Variants in CORO1C observed in about 807,000 individuals in gnomAD.
The protein encoded by CORO1C is coronin-1C.
A neutral mutation model predicts 51.2 loss-of-function variants in CORO1C; 14 were observed. The observed-to-expected ratio is 0.27, with a 90% CI of 0.18 to 0.43. The LOEUF (loss-of-function observed/expected upper bound fraction) is 0.43. Among genes scored for constraint, CORO1C ranks in the 20% least tolerant of loss-of-function variants. CORO1C has a pLI of 1.00. For synonymous variants in CORO1C, 181 were observed against 210.5 expected, an observed-to-expected ratio of 0.86 and a Z score of 1.21; for missense variants, 417 against 607.8, an observed-to-expected ratio of 0.69 and a Z score of 3.30.
At chr12:108,695,866 A>C (rs2034659853) in intron 2 of CORO1C, among the ~76,000 whole-genome samples, 1 of 151,740 alleles carries the variant, frequency 6.6e-6, no homozygotes, top group Non-Finnish European at 1.5e-5. Context: ...AAAAAAAAAA[A>C]AAAAAAAAAC....
intron 1 of CORO1C, among the ~76,000 whole-genome samples, chr12:108,722,713 C>A (rs114076659): frequency 1.1e-3 from 166 of 152,282 alleles, no homozygotes; most frequent in African/African-American, 3.8e-3. Context: ...GAGTTGGGGA[C>A]CAAATGTACA....
At chr12:108,656,048 T>TTG (rs2032964194) in intron 6 of CORO1C, among the ~76,000 whole-genome samples, 1 of 123,382 alleles carries the variant, frequency 8.1e-6, no homozygotes, top group African/African-American at 3.2e-5. Flanking sequence ...TCTGGGAGGT[T>TTG]AGGAGCGTCT....
chr12:108,657,451 C>G, intron 5 of CORO1C, 28 bp from the exon 6 acceptor site: 1 of 1,606,446 alleles, frequency 6.2e-7, no homozygotes, highest in Non-Finnish European at 8.5e-7. Flanking sequence ...ACATGCCACA[C>G]ATTAAACTGC....
At chr12:108,690,284 T>TAA (rs2034451211) in intron 2 of CORO1C, among the ~76,000 whole-genome samples, 1 of 150,360 alleles carries the variant, frequency 6.7e-6, no homozygotes, top group African/African-American at 2.4e-5. Context: ...ATCCTTGAGG[T>TAA]AAAAGGAGGT....
intron 1 of CORO1C, among the ~76,000 whole-genome samples, chr12:108,715,931 G>A (rs562699693): frequency 2.6e-5 from 4 of 151,632 alleles, no homozygotes; most frequent in Non-Finnish European, 4.4e-5. Flanking sequence ...CAGGAAATGA[G>A]ACCATCCTGG....
chr12:108,691,478 T>C (rs1429240229), intron 2 of CORO1C, among the ~76,000 whole-genome samples: 2 of 152,338 alleles, frequency 1.3e-5, no homozygotes, highest in South Asian at 2.1e-4. Context: ...GGGGTTACCA[T>C]GTTTACACAC....
At chr12:108,676,303 ATCACTTAACTCCCTGAGTCTGCTTTT>A (rs1272935249) in intron 3 of CORO1C, among the ~76,000 whole-genome samples, 12 of 152,218 alleles carry the variant, frequency 7.9e-5, no homozygotes, top group Admixed American at 5.2e-4. Context: ...TATGTCATAA[ATCACTTAACTCCCTGAGTCTGCTTTT>A]TCACTTAACT....
intron 3 of CORO1C, 87 bp downstream of exon 3, chr12:108,678,185 T>C (rs896567108): frequency 3.2e-6 from 4 of 1,255,756 alleles, no homozygotes; most frequent in African/African-American, 3.0e-5. Flanking sequence ...CAAGCCTCTA[T>C]ACATACACAC....
At chr12:108,702,775 A>C in intron 1 of CORO1C, 1 of 1,491,560 alleles carries the variant, frequency 6.7e-7, no homozygotes, top group South Asian at 1.3e-5. Flanking sequence ...AGACGAATTT[A>C]TTTTTGCCAG....
At chr12:108,699,901 C>CTACT (rs1329366173) in intron 2 of CORO1C, among the ~76,000 whole-genome samples, 1 of 152,138 alleles carries the variant, frequency 6.6e-6, no homozygotes, top group Non-Finnish European at 1.5e-5. Context: ...GGAGATGGTT[C>CTACT]TACTGTGTTA....
At chr12:108,713,642 G>A (rs962590372) in intron 1 of CORO1C, among the ~76,000 whole-genome samples, 8 of 152,190 alleles carry the variant, frequency 5.3e-5, no homozygotes, top group Non-Finnish European at 7.3e-5. Context: ...TTCCAGGCCC[G>A]TCACGTTTCA....
At position 108,658,634 on chromosome 12, in the gene CORO1C, C is replaced by G; in HGVS notation, c.630+104G>C. On this transcript the variant is annotated intron_variant, in intron 5 of 10. Transcript: ENST00000261401. The surrounding 1 kb of genome is among the most constrained non-coding windows in gnomAD (Gnocchi z 4.9). Reference sequence around the variant, plus strand: ...CTTATTCACAGTTGGTGTCTACACACAACAGGGTCCCACTGACCAGTACCG... The same window carrying G: ...CTTATTCACAGTTGGTGTCTACACAGAACAGGGTCCCACTGACCAGTACCG... The G allele has an allele frequency of 8.9e-7, 1 of 1,124,112 alleles. No homozygotes were observed. Among genetic ancestry groups the G allele is most frequent in the Non-Finnish European group, 1.3e-6 (1 of 778,812 alleles). 69.6% of individuals were successfully genotyped at this position (1,124,112 alleles called of 1,614,324 possible).
intron 1 of CORO1C, among the ~76,000 whole-genome samples, chr12:108,713,692 T>C (rs2035248387): frequency 6.6e-6 from 1 of 152,218 alleles, no homozygotes. Flanking sequence ...AAAGAACTTC[T>C]GAGAAAGATG....
intron 2 of CORO1C, among the ~76,000 whole-genome samples, chr12:108,691,649 T>C (rs1350053790): frequency 6.6e-6 from 1 of 152,124 alleles, no homozygotes; most frequent in Non-Finnish European, 1.5e-5. Context: ...GTGCAGCCAA[T>C]CAAAGCAAAG....
rs2032371451 is a variant in CORO1C, at chr12:108,646,640, C to T, written c.*763G>A. ...AAAATTCCATTCTGGTACAAACACCCAATTTCTAGAAAAGAGAAAGGAAAA... is the reference window on the plus strand; with the variant it reads ...AAAATTCCATTCTGGTACAAACACCTAATTTCTAGAAAAGAGAAAGGAAAA... On this transcript the variant is annotated 3_prime_UTR_variant, in exon 11 of 11. Coordinates refer to ENST00000261401, the MANE Select transcript of CORO1C (RefSeq NM_014325.4). The T allele has an allele frequency of 6.6e-6, 1 of 152,078 alleles. No individual in the cohort carries two copies. Among genetic ancestry groups the T allele is most frequent in the Non-Finnish European group, 1.5e-5 (1 of 68,004 alleles). The allele number at this position is 152,078 out of a possible 1,614,324, so 9.4% of individuals were successfully genotyped here.
intron 1 of CORO1C, among the ~76,000 whole-genome samples, chr12:108,705,481 A>C (rs1233782165): frequency 6.6e-6 from 1 of 151,084 alleles, no homozygotes; most frequent in Non-Finnish European, 1.5e-5. Context: ...AAAAAAAAAA[A>C]AGAATGTAAA....
At chr12:108,722,812 GTATGA>G (rs1000111901) in intron 1 of CORO1C, among the ~76,000 whole-genome samples, 25 of 152,292 alleles carry the variant, frequency 1.6e-4, no homozygotes, top group African/African-American at 6.0e-4. Flanking sequence ...TCCTTTGAAG[GTATGA>G]TATGTTATTT....
chr12:108,730,477 G>A (rs1045456852), intron 1 of CORO1C: 1 of 152,346 alleles, frequency 6.6e-6, no homozygotes. Context: ...GCGCCGGTGG[G>A]GACAGGCGGG....
chr12:108,731,011 C>T lies in CORO1C; in HGVS notation c.-6+418G>A, dbSNP rs1365927380. On this transcript the variant is annotated intron_variant, in intron 1 of 10. Transcript: ENST00000261401. The surrounding 1 kb of genome is among the most constrained non-coding windows in gnomAD (Gnocchi z 5.2). The stretch of plus-strand genomic sequence containing the variant: ...AGGCCTGGAGCCCCCGGGCTCTACG[C>T]CTCGCCCGAAGCAGCCCTTCCCTCC... 1 of 153,024 alleles carries T rather than the reference C, an allele frequency of 6.5e-6. No homozygotes were observed. The highest frequency in any genetic ancestry group is 2.4e-5 in the African/African-American group (1 of 41,428). 9.5% of individuals were successfully genotyped at this position (153,024 alleles called of 1,614,324 possible). A position where few individuals can be genotyped will look rare whatever the true frequency, so the allele number is the denominator to read the frequency against.
Sources: allele counts gnomAD v4.1 joint callset (sites outside exome capture counted in the v4.1 genomes callset), GRCh38; gene constraint gnomAD v4.1.1; non-coding constraint Gnocchi (gnomAD v3.1); transcripts MANE v1.5; gene names NCBI Gene and HGNC (gene_info 2026-07-23, HGNC 2026-07-21).